The following DENND4C variants were observed in gnomAD, a reference collection of about 807,000 sequenced individuals.
The protein encoded by DENND4C is DENN domain containing 4C.
DENND4C carries 108 observed loss-of-function variants against 203.0 expected under a neutral mutation model. That is an observed-to-expected ratio of 0.53 (90% CI 0.46 to 0.62). The LOEUF is 0.62. DENND4C is among the 20% of genes least tolerant of loss of function. DENND4C has a pLI of 0.00. For missense variants in DENND4C, 2,481 were observed against 2,301.2 expected (o/e 1.08, Z -1.60); for synonymous variants, 871 against 792.4 (o/e 1.10, Z -1.67).
chr9:19,355,470 G>A (rs1825188311), intron 26 of DENND4C, among the ~76,000 whole-genome samples: 1 of 152,072 alleles, frequency 6.6e-6, no homozygotes, highest in South Asian at 2.1e-4. Context: ...TATATATGAT[G>A]GTAGAGATCC....
chr9:19,268,428 T>G (rs1039433475), intron 1 of DENND4C, among the ~76,000 whole-genome samples: 8 of 152,178 alleles, frequency 5.3e-5, no homozygotes, highest in African/African-American at 1.9e-4. Context: ...AGGTTCATCT[T>G]TTATTCTTTC....
intron 30 of DENND4C, among the ~76,000 whole-genome samples, chr9:19,362,575 A>C (rs1156842577): frequency 2.0e-5 from 3 of 152,108 alleles, no homozygotes; most frequent in Non-Finnish European, 4.4e-5. Flanking sequence ...ACAAATGAAA[A>C]AGTGGTTTGC....
In DENND4C at chr9:19,326,079, GC is replaced by G; in HGVS notation, c.2006del (p.Ala669GlufsTer6). ...TGATTTTCAGGTTGATTTTGATTCA[GC>G]AGAAGATACCAGATTGATAGAACTA... Reference protein sequence around the residue: ...EKTDKVDFDSAEDTRLIELDD... With the variant: ...EKTDKVDFDSXEDTRLIELDD... On this transcript the variant is annotated frameshift_variant, in exon 15 of 33. Transcript: ENST00000434457. LOFTEE classifies it high-confidence loss of function. 6.2e-7 allele frequency: 1 copy of G among 1,610,308 alleles called. No individual in the cohort carries two copies. Among genetic ancestry groups the G allele is most frequent in the Non-Finnish European group, 8.5e-7 (1 of 1,178,930 alleles).
chr9:19,370,565 T>C (rs1828614177), intron 31 of DENND4C, among the ~76,000 whole-genome samples: 1 of 152,228 alleles, frequency 6.6e-6, no homozygotes, highest in Admixed American at 6.5e-5. Context: ...CCTATAATTA[T>C]ATTTATTAAC....
intron 2 of DENND4C, among the ~76,000 whole-genome samples, chr9:19,284,741 C>G (rs1483373391): frequency 6.6e-6 from 1 of 152,016 alleles, no homozygotes; most frequent in African/African-American, 2.4e-5. Context: ...ATACTATAAA[C>G]AGATTTTTAA....
intron 2 of DENND4C, among the ~76,000 whole-genome samples, chr9:19,280,058 A>G (rs1214589255): frequency 6.6e-6 from 1 of 152,170 alleles, no homozygotes; most frequent in Non-Finnish European, 1.5e-5. Flanking sequence ...GGATGATGTT[A>G]ACAGCATAGG....
intron 31 of DENND4C, chr9:19,371,338 G>A (rs1417815542): frequency 6.3e-6 from 1 of 158,618 alleles, no homozygotes; most frequent in Non-Finnish European, 1.4e-5. Flanking sequence ...AACTTACTTA[G>A]AAATTAATCT....
chr9:19,324,268 G>C, intron 12 of DENND4C, 94 bp from the exon 13 acceptor site: 1 of 881,920 alleles, frequency 1.1e-6, no homozygotes. Flanking sequence ...TATATATAAA[G>C]AGAATGTAAT....
chr9:19,330,563 C>G (rs2803119), intron 16 of DENND4C, among the ~76,000 whole-genome samples: 1 of 151,636 alleles, frequency 6.6e-6, no homozygotes, highest in African/African-American at 2.4e-5. Context: ...TGATCTCGAT[C>G]TCTTGACCTT....
chr9:19,319,340 A>G (rs12338601), intron 12 of DENND4C, among the ~76,000 whole-genome samples: 1 of 39,576 alleles, frequency 2.5e-5, no homozygotes, highest in Non-Finnish European at 5.0e-5. Flanking sequence ...ATATATACAC[A>G]TATATATATA....
intron 24 of DENND4C, among the ~76,000 whole-genome samples, chr9:19,351,536 A>C (rs1229404866): frequency 1.3e-5 from 2 of 152,144 alleles, no homozygotes; most frequent in African/African-American, 4.8e-5. Flanking sequence ...AACCGGACAC[A>C]GTGGCTCATG....
chr9:19,285,795 A>G (rs1835089849), intron 2 of DENND4C, among the ~76,000 whole-genome samples: 1 of 152,138 alleles, frequency 6.6e-6, no homozygotes, highest in South Asian at 2.1e-4. Flanking sequence ...AGTTATTCCA[A>G]CACTACATAT....
At chr9:19,363,082 C>T (rs1471215268) in intron 30 of DENND4C, among the ~76,000 whole-genome samples, 2 of 152,178 alleles carry the variant, frequency 1.3e-5, no homozygotes, top group Admixed American at 6.5e-5. Flanking sequence ...GGTTTGGTTT[C>T]TTCTGAGGCC....
rs750823294 is a variant in DENND4C, at chr9:19,369,950, C to T, written c.5638C>T (p.Leu1880Phe). The part of the protein sequence containing the change: ...HNNVLKPINL[L>F]SQQMKPGMKR... The stretch of plus-strand genomic sequence containing the variant: ...TAATGTTCTTAAACCCATCAACCTA[C>T]TTTCACAGCAAATGAAGCCAGGCAT... The change falls in exon 31 of 33, where the codon CTT becomes TTT. Residue 1880 changes from leucine to phenylalanine, a missense_variant. This residue lies in a region of DENND4C where 2,289 missense variants were observed against 2,113.3 expected (regional missense o/e 1.08). Coordinates refer to ENST00000434457, the MANE Select transcript of DENND4C (RefSeq NM_001330640.2). The T allele has an allele frequency of 3.1e-6, 5 of 1,613,922 alleles. No homozygotes were observed. In the South Asian group the frequency reaches 5.5e-5, roughly 18 times the overall value.
chr9:19,234,176 C>A (rs1346629133), intron 1 of DENND4C, among the ~76,000 whole-genome samples: 2 of 152,004 alleles, frequency 1.3e-5, no homozygotes, highest in Non-Finnish European at 2.9e-5. Flanking sequence ...TTTATTTAAC[C>A]ATTTCCATAG....
In DENND4C at chr9:19,346,023, G is replaced by C. The variant is rs995582619; in HGVS notation, c.3254G>C (p.Arg1085Thr). 6.2e-7 allele frequency: 1 copy of C among 1,614,104 alleles called. No individual in the cohort carries two copies. The highest frequency in any genetic ancestry group is 1.7e-5 in the Admixed American group (1 of 60,016). ...AAGAATGGTGATAGAGGAGAAAAAA[G>C]ACAAAAGCATTTTCCTGAGAGGAGT... is the stretch of plus-strand genomic sequence containing the variant. The part of the protein sequence containing the change: ...LKKNGDRGEK[R>T]QKHFPERSCS... The change falls in exon 23 of 33, where the codon AGA (arginine) becomes ACA (threonine). Residue 1085 changes from arginine (R) to threonine (T), a missense_variant. Physicochemically the swap from Arg to Thr is moderately conservative, Grantham distance 71. Coordinates refer to ENST00000434457, the MANE Select transcript of DENND4C (RefSeq NM_001330640.2).
chr9:19,328,206 A>G (rs1818225801), intron 16 of DENND4C, 44 bp downstream of exon 16: 1 of 1,549,364 alleles, frequency 6.5e-7, no homozygotes, highest in South Asian at 1.2e-5. Context: ...AAGATGTAAA[A>G]TATGTATATG....
chr9:19,249,249 T>C (rs554829290), intron 1 of DENND4C, among the ~76,000 whole-genome samples: 20 of 151,900 alleles, frequency 1.3e-4, no homozygotes, highest in Non-Finnish European at 2.8e-4. Flanking sequence ...ATACCAGTAG[T>C]AATTTTTGTT....
rs55988648 is a variant in DENND4C at position 19,370,101 on chromosome 9, A to C, written c.5675+114A>C. ...CGAAGAAACACATACTCATTGCAAAACATCTATTGTTTTAAGTGCTACACA... is the reference window on the plus strand; with the variant it reads ...CGAAGAAACACATACTCATTGCAAACCATCTATTGTTTTAAGTGCTACACA... On this transcript the variant is annotated intron_variant, in intron 31 of 32. Coordinates refer to ENST00000434457, the MANE Select transcript of DENND4C (RefSeq NM_001330640.2). 0.012 allele frequency: 15,337 copies of C among 1,258,032 alleles called. 1,394 individuals carry two copies. The African/African-American group carries it at 0.2, about 16-fold the overall frequency. 77.9% of individuals were successfully genotyped at this position (1,258,032 alleles called of 1,614,324 possible).
Sources: gnomAD v4.1 joint callset for allele counts (sites outside exome capture counted in the v4.1 genomes callset) on GRCh38, gnomAD v4.1.1 for gene constraint, gnomAD v4.1.1 regional missense constraint, MANE v1.5 for transcripts, NCBI Gene and HGNC (gene_info 2026-07-23, HGNC 2026-07-21) for gene names.